The following BTG4 variants were observed in gnomAD, a reference collection of about 807,000 sequenced individuals.
BTG4 encodes the protein BTG anti-proliferation factor 4.
Under a neutral mutation model 19.3 loss-of-function variants are expected in BTG4, and 10 were observed. The ratio of observed to expected loss-of-function variants is 0.52; its 90% CI spans 0.32 to 0.88. The LOEUF (loss-of-function observed/expected upper bound fraction) is 0.88. Among genes scored for constraint, BTG4 ranks in the 40% least tolerant of loss-of-function variants. BTG4 has a pLI of 0.04. For missense variants in BTG4, 238 were observed against 281.9 expected, an observed-to-expected ratio of 0.84 and a Z score of 1.11; for synonymous variants, 91 against 95.7, an observed-to-expected ratio of 0.95 and a Z score of 0.29.
chr11:111,439,414 C>T, the BTG4 span, among the ~76,000 whole-genome samples: 1 of 152,224 alleles, frequency 6.6e-6, no homozygotes, highest in East Asian at 1.9e-4. Flanking sequence ...GAGCCCAGCA[C>T]AGCCGCAGAT....
chr11:111,387,389 C>CA, the BTG4 span, among the ~76,000 whole-genome samples: 1 of 152,140 alleles, frequency 6.6e-6, no homozygotes, highest in African/African-American at 2.4e-5. Flanking sequence ...ATTGTGCCTT[C>CA]AATAATTAGA....
At chr11:111,436,184 G>A in the BTG4 span, among the ~76,000 whole-genome samples, 1 of 152,158 alleles carries the variant, frequency 6.6e-6, no homozygotes, top group Non-Finnish European at 1.5e-5. Flanking sequence ...AGCCCAATCC[G>A]TCTTACTCTT....
chr11:111,442,206 A>G, the BTG4 span, among the ~76,000 whole-genome samples: 1 of 151,762 alleles, frequency 6.6e-6, no homozygotes, highest in East Asian at 2.0e-4. Flanking sequence ...GGGACAGGAA[A>G]TATACGAGAT....
chr11:111,507,260 T>G (rs1369856099), intron 1 of BTG4, among the ~76,000 whole-genome samples: 1 of 152,178 alleles, frequency 6.6e-6, no homozygotes, highest in Non-Finnish European at 1.5e-5. Context: ...CTAGAGCTCT[T>G]AAGAAGGGGA....
At chr11:111,499,908 G>A (rs1039818130) in intron 1 of BTG4, among the ~76,000 whole-genome samples, 15 of 152,066 alleles carry the variant, frequency 9.9e-5, no homozygotes, top group East Asian at 3.9e-4. Flanking sequence ...TTGGAAGGCC[G>A]AGGCAGGTGG....
chr11:111,454,243 C>T, the BTG4 span: 1 of 455,022 alleles, frequency 2.2e-6, no homozygotes, highest in Non-Finnish European at 4.4e-6. Flanking sequence ...CAGGTGGGAG[C>T]TGGGAGGCTG....
intron 1 of BTG4, among the ~76,000 whole-genome samples, chr11:111,499,071 A>G (rs1865912704): frequency 6.6e-6 from 1 of 152,198 alleles, no homozygotes; most frequent in East Asian, 1.9e-4. Context: ...TAAGTAATAA[A>G]TGAAACATCA....
At chr11:111,456,732 C>G in the BTG4 span, 1 of 329,220 alleles carries the variant, frequency 3.0e-6, no homozygotes, top group Admixed American at 3.6e-5. The surrounding 1 kb of genome is among the most constrained non-coding windows in gnomAD (Gnocchi z 4.2). Context: ...CTATGGACAC[C>G]AATGCCGGTG....
chr11:111,499,813 CA>C (rs775138442), intron 1 of BTG4, among the ~76,000 whole-genome samples: 13 of 152,086 alleles, frequency 8.5e-5, no homozygotes, highest in Non-Finnish European at 1.5e-4. Flanking sequence ...GGTCAGTGAC[CA>C]TGTGATCTGG....
At chr11:111,422,674 G>A in the BTG4 span, among the ~76,000 whole-genome samples, 45,735 of 152,058 alleles carry the variant, frequency 0.3, 7,304 homozygotes, top group South Asian at 0.5. Flanking sequence ...TGCCTCAGGT[G>A]CAGAGGATCA....
At chr11:111,391,190 T>C in the BTG4 span, among the ~76,000 whole-genome samples, 1 of 152,198 alleles carries the variant, frequency 6.6e-6, no homozygotes, top group Non-Finnish European at 1.5e-5. Context: ...AGCCCAACTA[T>C]GTTAACGGCA....
intron 5 of BTG4, among the ~76,000 whole-genome samples, chr11:111,470,883 C>T (rs1454099325): frequency 1.3e-5 from 2 of 152,164 alleles, no homozygotes; most frequent in Non-Finnish European, 2.9e-5. Flanking sequence ...GAGCTATGAT[C>T]ACACCACTGC....
chr11:111,455,139 C>T, the BTG4 span: 146 of 447,090 alleles, frequency 3.3e-4, no homozygotes, highest in Admixed American at 7.8e-4. Context: ...AAACACAACT[C>T]CCTCCCCTCA....
chr11:111,394,519 AC>A, the BTG4 span, among the ~76,000 whole-genome samples: 1 of 149,168 alleles, frequency 6.7e-6, no homozygotes, highest in Non-Finnish European at 1.5e-5. Context: ...TGATTGTGAG[AC>A]CCCCCCACCA....
intron 5 of BTG4, among the ~76,000 whole-genome samples, chr11:111,486,122 G>A (rs1314133228): frequency 1.3e-5 from 2 of 152,152 alleles, no homozygotes; most frequent in Admixed American, 6.6e-5. Context: ...GAAAAGCCCA[G>A]GACCTAAAGG....
the BTG4 span, among the ~76,000 whole-genome samples, chr11:111,443,339 T>C: frequency 2.6e-5 from 4 of 152,054 alleles, no homozygotes; most frequent in South Asian, 8.3e-4. Flanking sequence ...AAAAAGACAA[T>C]AGGTAAAACT....
At chr11:111,419,743 G>T in the BTG4 span, among the ~76,000 whole-genome samples, 1 of 152,252 alleles carries the variant, frequency 6.6e-6, no homozygotes, top group African/African-American at 2.4e-5. Context: ...AACTGACATG[G>T]AGCAGAGAGA....
chr11:111,494,773 A>G (rs533501968), downstream of BTG4: 1 of 638,050 alleles, frequency 1.6e-6, no homozygotes, highest in East Asian at 1.4e-4. Flanking sequence ...CAAAAAATAA[A>G]CTTTTAAAAG....
At chr11:111,467,278 A>C (rs760503559), downstream of BTG4, among the ~76,000 whole-genome samples, 4 of 152,246 alleles carry the variant, frequency 2.6e-5, no homozygotes, top group South Asian at 2.1e-4. Context: ...AAAAAGGCAG[A>C]GCCAAGGTTA....
Sources: allele counts gnomAD v4.1 joint callset (sites outside exome capture counted in the v4.1 genomes callset), GRCh38; gene constraint gnomAD v4.1.1; non-coding constraint Gnocchi (gnomAD v3.1); transcripts MANE v1.5; gene names NCBI Gene and HGNC (gene_info 2026-07-23, HGNC 2026-07-21).